Variants in ZNF124 observed in about 807,000 individuals in gnomAD.
ZNF124 encodes zinc finger protein 124, also known as zinc finger protein HZF-16.
A neutral mutation model predicts 26.6 loss-of-function variants in ZNF124; 25 were observed. That is an observed-to-expected ratio of 0.94 (90% CI 0.68 to 1.31). The LOEUF is 1.31. Ranked by LOEUF, ZNF124 falls within the 40% of genes most tolerant of loss-of-function variation. The pLI, the probability that ZNF124 is intolerant of heterozygous loss-of-function variation, is 0.00. For synonymous variants in ZNF124, 129 were observed against 133.3 expected (o/e 0.97, Z 0.22); for missense variants, 444 against 422.2 (o/e 1.05, Z -0.45).
At chr1:247,133,411 C>T (rs953961244) in intron 3 of ZNF124, among the ~76,000 whole-genome samples, 1 of 152,028 alleles carries the variant, frequency 6.6e-6, no homozygotes, top group Admixed American at 6.6e-5. Context: ...GCAAGACAGG[C>T]CAACATGCAA....
chr1:247,131,136 A>G (rs1352036594), intron 3 of ZNF124, among the ~76,000 whole-genome samples: 1 of 152,184 alleles, frequency 6.6e-6, no homozygotes, highest in Admixed American at 6.5e-5. Flanking sequence ...TCTCTCATCA[A>G]AATTGACTAG....
In ZNF124 at chr1:247,159,747, A is replaced by G; in HGVS notation, c.97T>C (p.Ser33Pro). 6.2e-7 allele frequency: 1 copy of G among 1,613,866 alleles called. No individual in the cohort carries two copies. The highest frequency in any genetic ancestry group is 8.5e-7 in the Non-Finnish European group (1 of 1,179,946). Reference sequence around the variant, plus strand: ...ACGTCTCTATAGAGATTCTTCTGGGAAGGATCCAACAAAGCCCACTCCTCC... The same window carrying G: ...ACGTCTCTATAGAGATTCTTCTGGGGAGGATCCAACAAAGCCCACTCCTCC... Reference protein sequence around the residue: ...TQEEWALLDPSQKNLYRDVMQ... With the variant: ...TQEEWALLDPPQKNLYRDVMQ... Residue 33 changes from serine (S) to proline (P), a missense_variant, in exon 2 of 4, where the codon TCC (serine) becomes CCC (proline). Coordinates refer to ENST00000543802, the MANE Select transcript of ZNF124 (RefSeq NM_001297568.2).
intron 3 of ZNF124, among the ~76,000 whole-genome samples, chr1:247,133,785 C>T (rs899305876): frequency 6.6e-6 from 1 of 151,230 alleles, no homozygotes; most frequent in African/African-American, 2.4e-5. Flanking sequence ...TCCCAAGTAG[C>T]GGGGATTACA....
chr1:247,146,238 C>G (rs1672776395), intron 3 of ZNF124, among the ~76,000 whole-genome samples: 1 of 152,244 alleles, frequency 6.6e-6, no homozygotes, highest in African/African-American at 2.4e-5. Flanking sequence ...GAGCCAGAAG[C>G]TTTGCTTCAT....
At chr1:247,124,321 A>T (rs1002614574) in intron 3 of ZNF124, among the ~76,000 whole-genome samples, 1 of 151,836 alleles carries the variant, frequency 6.6e-6, no homozygotes, top group Non-Finnish European at 1.5e-5. Context: ...CTCCTGCCTA[A>T]GTCTCCTGCG....
chr1:247,163,491 C>T (rs1447345084), intron 1 of ZNF124, among the ~76,000 whole-genome samples: 2 of 150,986 alleles, frequency 1.3e-5, no homozygotes, highest in African/African-American at 2.4e-5. Flanking sequence ...AAAAATCCCT[C>T]AGAGGCTATT....
downstream of ZNF124, among the ~76,000 whole-genome samples, chr1:247,150,347 T>C (rs540990694): frequency 2.0e-5 from 3 of 152,300 alleles, no homozygotes; most frequent in East Asian, 5.8e-4. Context: ...TTTGGTGCTG[T>C]GGGGCTGCTG....
In ZNF124 at chr1:247,159,083, G is replaced by T. The variant is rs1224201740; in HGVS notation, c.158-17C>A. ...CTTTGTTTCCTAAAATGTAGACCCAGAAATATATTACAAATTATTTGAAAT... is the reference window on the plus strand; with the variant it reads ...CTTTGTTTCCTAAAATGTAGACCCATAAATATATTACAAATTATTTGAAAT... On this transcript the variant is annotated splice_polypyrimidine_tract_variant and intron_variant, in intron 2 of 3. Transcript: ENST00000543802. 6.2e-7 allele frequency: 1 copy of T among 1,600,990 alleles called. No homozygotes were observed. Among genetic ancestry groups the T allele is most frequent in the South Asian group, 1.1e-5 (1 of 89,022 alleles).
intron 3 of ZNF124, among the ~76,000 whole-genome samples, chr1:247,133,954 C>T (rs567339869): frequency 6.0e-4 from 92 of 152,178 alleles, no homozygotes; most frequent in African/African-American, 2.0e-3. Flanking sequence ...CGCCCAGCCT[C>T]AACATTCTTA....
At chr1:247,145,640 T>TC (rs1483622005) in intron 3 of ZNF124, among the ~76,000 whole-genome samples, 1 of 152,068 alleles carries the variant, frequency 6.6e-6, no homozygotes. Flanking sequence ...TCTGTTTTTT[T>TC]TTTTTTTGAC....
chr1:247,160,142 C>T (rs748998868), intron 1 of ZNF124, among the ~76,000 whole-genome samples: 7 of 152,080 alleles, frequency 4.6e-5, no homozygotes, highest in South Asian at 2.1e-4. Flanking sequence ...CATGTCACCA[C>T]GCCCAGCTAA....
intron 1 of ZNF124, among the ~76,000 whole-genome samples, chr1:247,163,490 T>C (rs1673609390): frequency 1.3e-5 from 2 of 149,576 alleles, no homozygotes; most frequent in Non-Finnish European, 1.5e-5. Flanking sequence ...AAAAAATCCC[T>C]CAGAGGCTAT....
chr1:247,145,903 G>A (rs1051978230), intron 3 of ZNF124, among the ~76,000 whole-genome samples: 4 of 152,186 alleles, frequency 2.6e-5, no homozygotes, highest in Admixed American at 6.5e-5. Flanking sequence ...GATTACAGGC[G>A]TGAGCCACTG....
chr1:247,145,721 T>C (rs1672758488), intron 3 of ZNF124, among the ~76,000 whole-genome samples: 1 of 151,948 alleles, frequency 6.6e-6, no homozygotes, highest in Non-Finnish European at 1.5e-5. Context: ...CTCTGTCTCC[T>C]GGGTTCAAGC....
chr1:247,155,079 C>G lies in ZNF124; in HGVS notation c.*1487G>C, dbSNP rs1673052636. Among the ~76,000 whole-genome samples the G allele has an allele frequency of 6.6e-6, 1 of 152,170 alleles. No homozygotes were observed. Among genetic ancestry groups the G allele is most frequent in the East Asian group, 1.9e-4 (1 of 5,196 alleles). On this transcript the variant is annotated 3_prime_UTR_variant, in exon 4 of 4. Transcript: ENST00000543802. ...GATGCTTTCTTTCTCAGATTAGACA[C>G]AAGACACTGTTCGATCACAGGTCTC...
At position 247,170,350 on chromosome 1, in the gene ZNF124, G is replaced by C. The variant is rs1190308237; in HGVS notation, c.30+1498C>G. On this transcript the variant is annotated intron_variant, in intron 1 of 3. Coordinates refer to ENST00000543802, the MANE Select transcript of ZNF124 (RefSeq NM_001297568.2). ...ATTAATAATGTTGTAAATTGGAGAG[G>C]TGAAGTTGGAGTTTGAGAGTATGAG... is the stretch of plus-strand genomic sequence containing the variant. Among the ~76,000 whole-genome samples the C allele has an allele frequency of 5.3e-5, 8 of 149,566 alleles. 1 individual carries two copies. In the East Asian group the frequency reaches 1.6e-3, roughly 29 times the overall value.
chr1:247,159,706 G>A lies in ZNF124; in HGVS notation c.138C>T (p.Phe46=). The A allele has an allele frequency of 1.2e-6, 2 of 1,612,290 alleles. No homozygotes were observed. Among genetic ancestry groups the A allele is most frequent in the African/African-American group, 1.3e-5 (1 of 74,910 alleles). ...TCTTACCTATGGAAGCCAGATTCCT[G>A]AAGGTTTCCTGCATCACGTCTCTAT... ...NLYRDVMQET[F]RNLASIGNKG... Residue 46 remains phenylalanine (F), a synonymous_variant, in exon 2 of 4, where the codon TTC becomes TTT. Transcript: ENST00000543802.
intron 1 of ZNF124, among the ~76,000 whole-genome samples, chr1:247,163,242 C>G (rs1430453881): frequency 6.6e-6 from 1 of 151,190 alleles, no homozygotes; most frequent in East Asian, 1.9e-4. Flanking sequence ...CTTAGAGGAA[C>G]TAAAGAAACA....
chr1:247,154,291 G>A (rs1417692022), downstream of ZNF124, among the ~76,000 whole-genome samples: 1 of 152,138 alleles, frequency 6.6e-6, no homozygotes, highest in African/African-American at 2.4e-5. Flanking sequence ...AGATCTGATG[G>A]TTTTATAAGA....
Sources: gnomAD v4.1 joint callset for allele counts (sites outside exome capture counted in the v4.1 genomes callset) on GRCh38, gnomAD v4.1.1 for gene constraint, MANE v1.5 for transcripts, NCBI Gene and HGNC (gene_info 2026-07-23, HGNC 2026-07-21) for gene names.